RSU1: variants seen among roughly 807,000 people sequenced by gnomAD.
RSU1 encodes rsu-1.
RSU1 carries 26 observed loss-of-function variants against 31.1 expected under a neutral mutation model. The observed-to-expected ratio is 0.84, with a 90% CI of 0.61 to 1.16. The LOEUF is 1.16. RSU1 is among the 50% of genes most tolerant of loss of function. The probability of loss-of-function intolerance (pLI) is 0.00; values close to 1 mark genes in which losing one functional copy is unlikely to be tolerated. For missense variants in RSU1, 320 were observed against 339.1 expected (o/e 0.94, Z 0.44); for synonymous variants, 164 against 136.3 (o/e 1.20, Z -1.41).
chr10:16,788,822 C>T (rs1837852754), intron 2 of RSU1, among the ~76,000 whole-genome samples: 1 of 152,188 alleles, frequency 6.6e-6, no homozygotes, highest in Non-Finnish European at 1.5e-5. Flanking sequence ...TTCAGTAACA[C>T]AGTGATGCCT....
intron 8 of RSU1, among the ~76,000 whole-genome samples, chr10:16,612,416 T>C (rs184341197): frequency 6.6e-6 from 1 of 152,260 alleles, no homozygotes; most frequent in Admixed American, 6.5e-5. Flanking sequence ...AGATTCTGCC[T>C]GGAGGAAGGT....
chr10:16,645,829 C>G (rs1396526069), intron 8 of RSU1, among the ~76,000 whole-genome samples: 1 of 143,344 alleles, frequency 7.0e-6, no homozygotes, highest in Non-Finnish European at 1.5e-5. Context: ...AAAAACAAGT[C>G]ACATTTTGTC....
intron 2 of RSU1, among the ~76,000 whole-genome samples, chr10:16,814,954 G>C (rs1312895123): frequency 1.3e-5 from 2 of 152,202 alleles, no homozygotes; most frequent in Non-Finnish European, 2.9e-5. Flanking sequence ...AAAGCCGAAG[G>C]GTACAAAGCT....
rs116029806 is a variant in RSU1, at chr10:16,799,481, G to A, written c.110-17397C>T. ...TAACTGCCGAATTGCCAGAGACTGAGTGGTAAACTAATTTGAGAGATTAAA... is the reference window on the plus strand; with the variant it reads ...TAACTGCCGAATTGCCAGAGACTGAATGGTAAACTAATTTGAGAGATTAAA... On this transcript the variant is annotated intron_variant, in intron 2 of 8. Coordinates refer to ENST00000345264, the MANE Select transcript of RSU1 (RefSeq NM_012425.4). 8.9e-3 allele frequency among the ~76,000 whole-genome samples: 1,352 copies of A among 151,916 alleles called. 15 individuals carry two copies. The highest frequency in any genetic ancestry group is 0.031 in the African/African-American group (1,269 of 41,344).
intron 3 of RSU1, 116 bp from the exon 4 acceptor site, chr10:16,764,626 A>G (rs1234273643): frequency 4.6e-6 from 5 of 1,092,986 alleles, no homozygotes; most frequent in South Asian, 1.7e-5. Flanking sequence ...CAAAAGGGCC[A>G]TCGAATTCAC....
intron 8 of RSU1, among the ~76,000 whole-genome samples, chr10:16,654,684 A>C (rs371645195): frequency 0.019 from 2,954 of 151,676 alleles, 99 homozygotes; most frequent in African/African-American, 0.068. Flanking sequence ...CAAAAACAAA[A>C]AAAAAAAAAA....
chr10:16,761,016 A>T (rs185447820), intron 4 of RSU1, among the ~76,000 whole-genome samples: 140 of 152,262 alleles, frequency 9.2e-4, no homozygotes, highest in Middle Eastern at 3.4e-3. Context: ...ATCTCAGTTC[A>T]CTGAAACCTC....
intron 7 of RSU1, among the ~76,000 whole-genome samples, chr10:16,705,689 C>T (rs538201834): frequency 6.6e-6 from 1 of 152,236 alleles, no homozygotes; most frequent in South Asian, 2.1e-4. Context: ...GGGGTTTCAC[C>T]ATGTTGGCCA....
At chr10:16,602,534 G>A (rs998247589) in intron 8 of RSU1, among the ~76,000 whole-genome samples, 4 of 152,122 alleles carry the variant, frequency 2.6e-5, no homozygotes, top group African/African-American at 9.7e-5. Context: ...TTTTCTGCAG[G>A]GCAGGGAGTG....
At position 16,593,953 on chromosome 10, in the gene RSU1, A is replaced by G. The variant is rs1214412542; in HGVS notation, c.732-457T>C. ...TGTGCTGGCTGCTCACCCATGATGGATAGCGTGGGGCTGGCCACCACACAT... is the reference window on the plus strand; with the variant it reads ...TGTGCTGGCTGCTCACCCATGATGGGTAGCGTGGGGCTGGCCACCACACAT... On this transcript the variant is annotated intron_variant, in intron 8 of 8. Coordinates refer to ENST00000345264, the MANE Select transcript of RSU1 (RefSeq NM_012425.4). 2.6e-5 allele frequency among the ~76,000 whole-genome samples: 4 copies of G among 152,348 alleles called. No homozygotes were observed. The East Asian group carries it at 7.7e-4, about 29-fold the overall frequency.
chr10:16,592,004 CCTCT>C lies in RSU1; in HGVS notation c.*1386_*1389del. ...CAGAAGTTTAGACCTTGCTCTGTGG[CCTCT>C]CTGATTGAAATGCGAAGTCTGTTTC... On this transcript the variant is annotated 3_prime_UTR_variant, in exon 9 of 9. Transcript: ENST00000345264. 1 of 152,362 alleles carries C rather than the reference CCTCT, an allele frequency of 6.6e-6. No homozygotes were observed. The highest frequency in any genetic ancestry group is 1.5e-5 in the Non-Finnish European group (1 of 68,044). The allele number at this position is 152,362 out of a possible 1,614,324, so 9.4% of individuals were successfully genotyped here. A position where few individuals can be genotyped will look rare whatever the true frequency, so the allele number is the denominator to read the frequency against.
chr10:16,643,788 A>G (rs1259777741), intron 8 of RSU1, among the ~76,000 whole-genome samples: 1 of 139,906 alleles, frequency 7.1e-6, no homozygotes, highest in Non-Finnish European at 1.5e-5. Flanking sequence ...AGAGAATGCA[A>G]GTATATTCAG....
At chr10:16,777,746 A>C (rs1837563132) in intron 3 of RSU1, among the ~76,000 whole-genome samples, 1 of 152,206 alleles carries the variant, frequency 6.6e-6, no homozygotes, top group Admixed American at 6.5e-5. Context: ...TAGGGATTGG[A>C]TTAAGGAGCA....
At chr10:16,652,319 G>C (rs893820142) in intron 8 of RSU1, among the ~76,000 whole-genome samples, 2 of 137,270 alleles carry the variant, frequency 1.5e-5, no homozygotes, top group African/African-American at 5.4e-5. Flanking sequence ...AAAGGAGGCT[G>C]ATTGAGAAAG....
At position 16,817,412 on chromosome 10, in the gene RSU1, G is replaced by C; in HGVS notation, c.-101C>G. 3 of 273,724 alleles carry C rather than the reference G, an allele frequency of 1.1e-5. No individual in the cohort carries two copies. The allele number at this position is 273,724 out of a possible 1,614,324, so 17.0% of individuals were successfully genotyped here. A position where few individuals can be genotyped will look rare whatever the true frequency, so the allele number is the denominator to read the frequency against. ...CTCCCTGCAACACCGGCACTGAACA[G>C]CGAACACGCCCTGTCTCGGCGCCCC... On this transcript the variant is annotated 5_prime_UTR_variant, in exon 1 of 9. Transcript: ENST00000345264.
At chr10:16,702,885 C>A (rs1354642791) in intron 7 of RSU1, among the ~76,000 whole-genome samples, 1 of 152,166 alleles carries the variant, frequency 6.6e-6, no homozygotes, top group Non-Finnish European at 1.5e-5. Context: ...GGATCTGCAA[C>A]CCTGCCCAAG....
rs902807362 is a variant in RSU1 at position 16,671,770 on chromosome 10, C to A, written c.731+23253G>T. 1.1e-4 allele frequency among the ~76,000 whole-genome samples: 17 copies of A among 151,804 alleles called. 1 individual carries two copies. The highest frequency in any genetic ancestry group is 1.0e-3 in the Admixed American group (16 of 15,244). On this transcript the variant is annotated intron_variant, in intron 8 of 8. Coordinates refer to ENST00000345264, the MANE Select transcript of RSU1 (RefSeq NM_012425.4). ...CCTCCCAAGCAGCTGGGGCTACAGGCACATACCACCATGCCCAGCTAATTT... is the reference window on the plus strand; with the variant it reads ...CCTCCCAAGCAGCTGGGGCTACAGGAACATACCACCATGCCCAGCTAATTT...
chr10:16,752,503 A>G, intron 7 of RSU1, 36 bp downstream of exon 7: 1 of 1,486,744 alleles, frequency 6.7e-7, no homozygotes, highest in Non-Finnish European at 9.4e-7. Flanking sequence ...GTTATTCATG[A>G]AACCCAGAAC....
intron 8 of RSU1, among the ~76,000 whole-genome samples, chr10:16,606,775 A>G (rs999208124): frequency 6.6e-6 from 1 of 152,224 alleles, no homozygotes; most frequent in Non-Finnish European, 1.5e-5. Context: ...CAGTATCTAG[A>G]GAGAAGCCTT....
Sources: allele counts gnomAD v4.1 joint callset (sites outside exome capture counted in the v4.1 genomes callset), GRCh38; gene constraint gnomAD v4.1.1; transcripts MANE v1.5; gene names NCBI Gene and HGNC (gene_info 2026-07-23, HGNC 2026-07-21).